Variants in BICC1 observed in about 807,000 individuals in gnomAD.
BICC1 encodes the protein protein bicaudal C homolog 1.
BICC1 carries 43 observed loss-of-function variants against 111.0 expected under a neutral mutation model. The observed-to-expected ratio is 0.39, with a 90% CI of 0.30 to 0.50. BICC1 has a LOEUF of 0.50. Ranked by LOEUF, BICC1 falls within the 20% of genes least tolerant of loss-of-function variation. The pLI is 0.88. For synonymous variants in BICC1, 467 were observed against 434.4 expected, an observed-to-expected ratio of 1.07 and a Z score of -0.93; for missense variants, 1,091 against 1,203.2, an observed-to-expected ratio of 0.91 and a Z score of 1.38.
chr10:58,716,183 G>A lies in BICC1; in HGVS notation c.307+14040G>A, dbSNP rs962204526. 6.0e-6 allele frequency: 9 copies of A among 1,498,732 alleles called. No individual in the cohort carries two copies. The African/African-American group carries it at 8.3e-5, about 14-fold the overall frequency. The allele number at this position is 1,498,732 out of a possible 1,614,324, so 92.8% of individuals were successfully genotyped here. Reference sequence around the variant, plus strand: ...GAGGTGCGAGCAAAAAAGAAGAAAAGCAGTGAAGAACGAGAAAAAGCAACA... The same window carrying A: ...GAGGTGCGAGCAAAAAAGAAGAAAAACAGTGAAGAACGAGAAAAAGCAACA... On this transcript the variant is annotated intron_variant, in intron 3 of 20. Coordinates refer to ENST00000373886, the MANE Select transcript of BICC1 (RefSeq NM_001080512.3).
At chr10:58,539,750 C>T (rs1564477848) in intron 1 of BICC1, among the ~76,000 whole-genome samples, 1 of 151,786 alleles carries the variant, frequency 6.6e-6, no homozygotes, top group Non-Finnish European at 1.5e-5. Context: ...AGTAGAGAAA[C>T]AGAGCACTTG....
chr10:58,748,922 T>C (rs1841911103), intron 3 of BICC1, among the ~76,000 whole-genome samples: 1 of 152,148 alleles, frequency 6.6e-6, no homozygotes, highest in South Asian at 2.1e-4. Context: ...TTCTCCATTA[T>C]TTTTAAACTC....
At chr10:58,764,629 CT>C (rs11366847) in intron 3 of BICC1, among the ~76,000 whole-genome samples, 51,239 of 117,596 alleles carry the variant, frequency 0.44, 9,025 homozygotes, top group Middle Eastern at 0.54. Flanking sequence ...TAATTTCCTT[CT>C]TTTTTTTTTT....
At chr10:58,781,595 C>T (rs1842885793) in intron 3 of BICC1, among the ~76,000 whole-genome samples, 1 of 152,166 alleles carries the variant, frequency 6.6e-6, no homozygotes, top group Non-Finnish European at 1.5e-5. Context: ...TTCTAACCCT[C>T]TTTATAGCTG....
intron 1 of BICC1, among the ~76,000 whole-genome samples, chr10:58,539,611 G>T (rs1017280435): frequency 1.3e-5 from 2 of 151,814 alleles, no homozygotes; most frequent in Non-Finnish European, 2.9e-5. Context: ...AATGATAAAT[G>T]TACATGTACT....
intron 3 of BICC1, among the ~76,000 whole-genome samples, chr10:58,722,024 T>C (rs1564574551): frequency 6.6e-6 from 1 of 152,262 alleles, no homozygotes; most frequent in East Asian, 1.9e-4. Flanking sequence ...AAATATTTAC[T>C]TGACAGTAAT....
intron 1 of BICC1, among the ~76,000 whole-genome samples, chr10:58,598,700 T>C (rs1355305762): frequency 1.3e-5 from 2 of 152,102 alleles, no homozygotes; most frequent in Non-Finnish European, 2.9e-5. Context: ...CAAAAGAAAC[T>C]ATCATCAGAG....
chr10:58,668,875 A>G (rs1246508712), intron 2 of BICC1, among the ~76,000 whole-genome samples: 1 of 152,070 alleles, frequency 6.6e-6, no homozygotes, highest in African/African-American at 2.4e-5. Context: ...CTCTGTCTTT[A>G]ACAGTGGGAA....
At chr10:58,785,407 T>C (rs1842984164) in intron 4 of BICC1, among the ~76,000 whole-genome samples, 1 of 152,082 alleles carries the variant, frequency 6.6e-6, no homozygotes, top group South Asian at 2.1e-4. Flanking sequence ...TTGGCCCTGA[T>C]TAATATAGGG....
chr10:58,514,573 G>A (rs1842190542), intron 1 of BICC1, among the ~76,000 whole-genome samples: 1 of 152,160 alleles, frequency 6.6e-6, no homozygotes, highest in Admixed American at 6.5e-5. Flanking sequence ...AGAGTGTTTG[G>A]CAGACGTTTT....
intron 1 of BICC1, among the ~76,000 whole-genome samples, chr10:58,615,076 G>GC (rs535727713): frequency 2.0e-3 from 308 of 151,322 alleles, no homozygotes; most frequent in Admixed American, 5.3e-3. Context: ...TTGGCTAAGT[G>GC]CCCCCCCGAG....
At chr10:58,802,809 G>A (rs1324987112) in intron 14 of BICC1, among the ~76,000 whole-genome samples, 1 of 152,154 alleles carries the variant, frequency 6.6e-6, no homozygotes, top group Non-Finnish European at 1.5e-5. Flanking sequence ...ATAGTTTCAA[G>A]CTTTAGCCCT....
At chr10:58,664,050 C>T (rs929178318) in intron 2 of BICC1, among the ~76,000 whole-genome samples, 1 of 152,138 alleles carries the variant, frequency 6.6e-6, no homozygotes, top group Non-Finnish European at 1.5e-5. Context: ...TTTGTGTAAA[C>T]ATATATTTTC....
At chr10:58,681,614 A>G (rs1448785292) in intron 2 of BICC1, among the ~76,000 whole-genome samples, 1 of 152,194 alleles carries the variant, frequency 6.6e-6, no homozygotes, top group African/African-American at 2.4e-5. Flanking sequence ...AGGATCTAGA[A>G]CTAGAAATAC....
At position 58,820,429 on chromosome 10, in the gene BICC1, A is replaced by G. The variant is rs774598299; in HGVS notation, c.2755A>G (p.Thr919Ala). ...GGATCTGAAGGAGCTGGGAATAACT[A>G]CTTTTGGTGCCAGGAGGAAAATGCT... ...DQDLKELGIT[T>A]FGARRKMLLA... The change falls in exon 20 of 21, where the codon ACT (threonine) becomes GCT (alanine). Residue 919 changes from threonine to alanine, a missense_variant. Coordinates refer to ENST00000373886, the MANE Select transcript of BICC1 (RefSeq NM_001080512.3). 1.9e-6 allele frequency: 3 copies of G among 1,612,012 alleles called. No individual in the cohort carries two copies. The highest frequency in any genetic ancestry group is 1.7e-5 in the Admixed American group (1 of 59,942).
In BICC1 at chr10:58,828,931, G is replaced by T. The variant is rs749155775; in HGVS notation, c.*40G>T. On this transcript the variant is annotated 3_prime_UTR_variant, in exon 21 of 21. Transcript: ENST00000373886. The stretch of plus-strand genomic sequence containing the variant: ...CACATGCCCGCTGACTAACTGTAAA[G>T]TGGACACAGGAGATGTATGAACAGC... 1 of 1,611,192 alleles carries T rather than the reference G, an allele frequency of 6.2e-7. No individual in the cohort carries two copies. The highest frequency in any genetic ancestry group is 1.1e-5 in the South Asian group (1 of 90,832).
intron 2 of BICC1, among the ~76,000 whole-genome samples, chr10:58,636,278 C>A (rs1264688254): frequency 6.6e-6 from 1 of 152,172 alleles, no homozygotes; most frequent in Non-Finnish European, 1.5e-5. Flanking sequence ...AAACCCAATT[C>A]AACACTGTTT....
chr10:58,685,527 C>T lies in BICC1; in HGVS notation c.238-16547C>T, dbSNP rs540247890. On this transcript the variant is annotated intron_variant, in intron 2 of 20. Coordinates refer to ENST00000373886, the MANE Select transcript of BICC1 (RefSeq NM_001080512.3). Reference sequence around the variant, plus strand: ...AAGTCTCTTTGTAGGTCTCTAAGGGCTTGCTTTATGAATCTGGGTGCTCCT... The same window carrying T: ...AAGTCTCTTTGTAGGTCTCTAAGGGTTTGCTTTATGAATCTGGGTGCTCCT... 7.2e-5 allele frequency among the ~76,000 whole-genome samples: 11 copies of T among 152,254 alleles called. No homozygotes were observed. The East Asian group carries it at 1.9e-3, about 27-fold the overall frequency.
chr10:58,638,085 G>A (rs1838005032), intron 2 of BICC1, among the ~76,000 whole-genome samples: 1 of 152,082 alleles, frequency 6.6e-6, no homozygotes, highest in Non-Finnish European at 1.5e-5. Context: ...CAGGAGGGCT[G>A]TTTTGGAGGA....
Sources: gnomAD v4.1 joint callset for allele counts (sites outside exome capture counted in the v4.1 genomes callset) on GRCh38, gnomAD v4.1.1 for gene constraint, MANE v1.5 for transcripts, NCBI Gene and HGNC (gene_info 2026-07-23, HGNC 2026-07-21) for gene names.